The following LPGAT1 variants were observed in gnomAD, a reference collection of about 807,000 sequenced individuals.
LPGAT1 encodes the protein acyl-CoA:lysophosphatidylglycerol acyltransferase 1.
Under a neutral mutation model 47.5 loss-of-function variants are expected in LPGAT1, and 11 were observed. The ratio of observed to expected loss-of-function variants is 0.23; its 90% CI spans 0.15 to 0.38. The LOEUF (loss-of-function observed/expected upper bound fraction) is 0.38, where lower values mean the gene tolerates loss of function less well. Among genes scored for constraint, LPGAT1 ranks in the 10% least tolerant of loss-of-function variants. The pLI is 1.00. For synonymous variants in LPGAT1, 138 were observed against 144.2 expected (o/e 0.96, Z 0.31); for missense variants, 293 against 439.0 (o/e 0.67, Z 2.97).
At chr1:211,763,849 T>C (rs983659199) in intron 6 of LPGAT1, among the ~76,000 whole-genome samples, 1 of 152,210 alleles carries the variant, frequency 6.6e-6, no homozygotes, top group Non-Finnish European at 1.5e-5. Flanking sequence ...TCCTTCAGCT[T>C]CCTCCTTCTC....
At chr1:211,786,673 C>G (rs927318055) in intron 4 of LPGAT1, among the ~76,000 whole-genome samples, 2 of 152,146 alleles carry the variant, frequency 1.3e-5, no homozygotes, top group African/African-American at 4.8e-5. Context: ...ATCATCTTCT[C>G]TGAAGTTTTT....
intron 2 of LPGAT1, among the ~76,000 whole-genome samples, chr1:211,821,329 T>C (rs12038038): frequency 0.39 from 58,578 of 152,112 alleles, 12,479 homozygotes; most frequent in East Asian, 0.71. Context: ...CCTCATCTTG[T>C]TCCCCTGAGC....
In LPGAT1 at chr1:211,783,254, T is replaced by A. The variant is rs756744641; in HGVS notation, c.702A>T (p.Pro234=). The change falls in exon 5 of 8, where the codon CCA becomes CCT. Residue 234 remains proline, a synonymous_variant. Transcript: ENST00000366997. The part of the protein sequence containing the change: ...ALVAQQKNGS[P]AGGDAKELDS... ...CTAATTCTTTAGCATCTCCTCCTGCTGGACTTCCATTTTTCTGTTGTGCTA... is the reference window on the plus strand; with the variant it reads ...CTAATTCTTTAGCATCTCCTCCTGCAGGACTTCCATTTTTCTGTTGTGCTA... 3 of 1,612,696 alleles carry A rather than the reference T, an allele frequency of 1.9e-6. No homozygotes were observed. The highest frequency in any genetic ancestry group is 2.5e-6 in the Non-Finnish European group (3 of 1,178,724).
intron 2 of LPGAT1, among the ~76,000 whole-genome samples, chr1:211,816,439 T>G (rs1660178478): frequency 6.6e-6 from 1 of 152,230 alleles, no homozygotes; most frequent in Non-Finnish European, 1.5e-5. Context: ...TTTGAAGCAC[T>G]GCAAAATTTA....
At chr1:211,770,236 A>G (rs1352334007) in intron 6 of LPGAT1, among the ~76,000 whole-genome samples, 1 of 152,196 alleles carries the variant, frequency 6.6e-6, no homozygotes, top group Non-Finnish European at 1.5e-5. Context: ...TAGAACTGCT[A>G]TGTCATAGAT....
In LPGAT1 at chr1:211,745,381, C is replaced by A. The variant is rs1656902543; in HGVS notation, c.*4518G>T. 1 of 152,076 alleles carries A rather than the reference C, an allele frequency of 6.6e-6. No individual in the cohort carries two copies. The highest frequency in any genetic ancestry group is 2.1e-4 in the South Asian group (1 of 4,822). 9.4% of individuals were successfully genotyped at this position (152,076 alleles called of 1,614,324 possible). ...AGTTGAAAGTATAACTGTCTCATCA[C>A]CCGATCATAAAATAAGTTACTGTAA... On this transcript the variant is annotated 3_prime_UTR_variant, in exon 8 of 8. Coordinates refer to ENST00000366997, the MANE Select transcript of LPGAT1 (RefSeq NM_014873.3).
chr1:211,775,181 G>A (rs933016566), intron 6 of LPGAT1, among the ~76,000 whole-genome samples: 3 of 152,156 alleles, frequency 2.0e-5, no homozygotes, highest in African/African-American at 7.2e-5. Context: ...GCCAGGCGTG[G>A]TGGCAGGTGC....
chr1:211,744,006 A>G lies in LPGAT1; in HGVS notation c.*5893T>C, dbSNP rs1279164184. The G allele has an allele frequency of 6.6e-6, 1 of 152,250 alleles. No homozygotes were observed. The highest frequency in any genetic ancestry group is 6.5e-5 in the Admixed American group (1 of 15,294). 9.4% of individuals were successfully genotyped at this position (152,250 alleles called of 1,614,324 possible). Reference sequence around the variant, plus strand: ...TACTTAGCTTTGAGAAATGAAAAGTATAAAGACAACTTTAGAAATATGCAA... The same window carrying G: ...TACTTAGCTTTGAGAAATGAAAAGTGTAAAGACAACTTTAGAAATATGCAA... On this transcript the variant is annotated 3_prime_UTR_variant, in exon 8 of 8. Transcript: ENST00000366997.
intron 6 of LPGAT1, among the ~76,000 whole-genome samples, chr1:211,754,965 A>G (rs4951424): frequency 0.98 from 147,346 of 151,088 alleles, 71,861 homozygotes; most frequent in East Asian, 1. Context: ...AGCAAGCCGC[A>G]ATGGCGCCAC....
At chr1:211,771,650 C>G (rs760893895) in intron 6 of LPGAT1, among the ~76,000 whole-genome samples, 2 of 151,884 alleles carry the variant, frequency 1.3e-5, no homozygotes, top group Non-Finnish European at 2.9e-5. Flanking sequence ...ATTACAGGCG[C>G]TCACCACCAT....
At chr1:211,763,365 T>C (rs2102505365) in intron 6 of LPGAT1, among the ~76,000 whole-genome samples, 1 of 152,294 alleles carries the variant, frequency 6.6e-6, no homozygotes, top group African/African-American at 2.4e-5. Flanking sequence ...TAAAAGCCAC[T>C]TTGGCTCTCA....
At chr1:211,798,541 G>A (rs1052502419) in intron 2 of LPGAT1, among the ~76,000 whole-genome samples, 2 of 152,010 alleles carry the variant, frequency 1.3e-5, no homozygotes, top group Non-Finnish European at 2.9e-5. Flanking sequence ...AAAATTAGCT[G>A]GGTGTGGTGG....
At chr1:211,809,644 C>T (rs1318556974) in intron 2 of LPGAT1, among the ~76,000 whole-genome samples, 2 of 152,060 alleles carry the variant, frequency 1.3e-5, no homozygotes, top group African/African-American at 4.8e-5. Flanking sequence ...GAATAAGTCT[C>T]ACGAGATCCA....
Position 211,749,935 on chromosome 1 carries a change from G to T in LPGAT1, c.1077C>A (p.Tyr359Ter). Residue 359 changes from tyrosine to a stop codon, truncating the protein, a stop_gained, in exon 8 of 8, where the codon TAC (tyrosine) becomes TAA (stop). Coordinates refer to ENST00000366997, the MANE Select transcript of LPGAT1 (RefSeq NM_014873.3). LOFTEE classifies it high-confidence loss of function. ...AATGGTAAAAATACTGAATGATGTT[G>T]TACCACATATAGCCTGACAAAAATG... The part of the protein sequence containing the change: ...SFAFLSGYMW[Y>*]NIIQYFYHCL... The T allele has an allele frequency of 1.9e-6, 3 of 1,613,974 alleles. No homozygotes were observed. Among genetic ancestry groups the T allele is most frequent in the Non-Finnish European group, 2.5e-6 (3 of 1,179,910 alleles).
At chr1:211,816,476 T>G (rs1319552165) in intron 2 of LPGAT1, among the ~76,000 whole-genome samples, 1 of 152,224 alleles carries the variant, frequency 6.6e-6, no homozygotes, top group Non-Finnish European at 1.5e-5. Context: ...TTAGTTAATA[T>G]TTTATTCAGA....
At chr1:211,755,957 C>G (rs1657429345) in intron 6 of LPGAT1, among the ~76,000 whole-genome samples, 1 of 152,100 alleles carries the variant, frequency 6.6e-6, no homozygotes, top group Admixed American at 6.5e-5. Flanking sequence ...GCTGTAAAAT[C>G]CCCTATTATC....
At chr1:211,805,378 G>A (rs1659716360) in intron 2 of LPGAT1, among the ~76,000 whole-genome samples, 1 of 152,176 alleles carries the variant, frequency 6.6e-6, no homozygotes, top group Non-Finnish European at 1.5e-5. Context: ...AATATCTCAT[G>A]TGATTTATTG....
chr1:211,749,704 T>A lies in LPGAT1; in HGVS notation c.*195A>T. The A allele has an allele frequency of 1.8e-6, 1 of 556,320 alleles. No individual in the cohort carries two copies. The highest frequency in any genetic ancestry group is 1.9e-5 in the African/African-American group (1 of 51,504). 34.5% of individuals were successfully genotyped at this position (556,320 alleles called of 1,614,324 possible). ...TTTTAAAACATGTTCTTAAAATATATTAGCAGGTCATTATATTACTAATCC... is the reference window on the plus strand; with the variant it reads ...TTTTAAAACATGTTCTTAAAATATAATAGCAGGTCATTATATTACTAATCC... On this transcript the variant is annotated 3_prime_UTR_variant, in exon 8 of 8. Coordinates refer to ENST00000366997, the MANE Select transcript of LPGAT1 (RefSeq NM_014873.3).
intron 6 of LPGAT1, among the ~76,000 whole-genome samples, chr1:211,768,514 T>C (rs1286768111): frequency 6.6e-6 from 1 of 152,216 alleles, no homozygotes; most frequent in African/African-American, 2.4e-5. Context: ...ATTTATCGTT[T>C]AGACTTTTGT....
Sources: gnomAD v4.1 joint callset for allele counts (sites outside exome capture counted in the v4.1 genomes callset) on GRCh38, gnomAD v4.1.1 for gene constraint, MANE v1.5 for transcripts, NCBI Gene and HGNC (gene_info 2026-07-23, HGNC 2026-07-21) for gene names.